LAPTM4B: variants seen among roughly 807,000 people sequenced by gnomAD.
The protein encoded by LAPTM4B is lysosomal protein transmembrane 4 beta, also known as lysosomal-associated transmembrane protein 4B.
LAPTM4B carries 26 observed loss-of-function variants against 28.5 expected under a neutral mutation model. That is an observed-to-expected ratio of 0.91 (90% CI 0.67 to 1.27). LAPTM4B has a LOEUF of 1.27. LAPTM4B is among the 50% of genes most tolerant of loss of function. The pLI, the probability that LAPTM4B is intolerant of heterozygous loss-of-function variation, is 0.00. For missense variants in LAPTM4B, 288 were observed against 285.8 expected, an observed-to-expected ratio of 1.01 and a Z score of -0.06; for synonymous variants, 109 against 106.4, an observed-to-expected ratio of 1.02 and a Z score of -0.15.
chr8:97,783,000 C>T (rs1345771632), intron 1 of LAPTM4B, among the ~76,000 whole-genome samples: 7 of 149,168 alleles, frequency 4.7e-5, no homozygotes, highest in Non-Finnish European at 8.9e-5. Flanking sequence ...CTCAAACTCC[C>T]GACCTCAGGT....
At chr8:97,782,904 T>TA (rs1441198162) in intron 1 of LAPTM4B, among the ~76,000 whole-genome samples, 1 of 140,862 alleles carries the variant, frequency 7.1e-6, no homozygotes, top group African/African-American at 2.7e-5. Context: ...GCTAATTTTG[T>TA]ATTTTATTTA....
chr8:97,811,736 G>A (rs1356061865), intron 2 of LAPTM4B, among the ~76,000 whole-genome samples: 1 of 152,148 alleles, frequency 6.6e-6, no homozygotes, highest in African/African-American at 2.4e-5. Context: ...TGACAGCCTT[G>A]AGGAAATAGA....
intron 6 of LAPTM4B, among the ~76,000 whole-genome samples, chr8:97,828,746 A>T (rs374988584): frequency 6.6e-6 from 1 of 152,186 alleles, no homozygotes; most frequent in Non-Finnish European, 1.5e-5. Context: ...AGTGAGTTAT[A>T]TCGGTAAGGC....
Position 97,775,897 on chromosome 8 carries a change from G to T in LAPTM4B, c.-113G>T, listed in dbSNP as rs1485601409. On this transcript the variant is annotated 5_prime_UTR_variant, in exon 1 of 7. Transcript: ENST00000521545. ...GGCCCGCGGGCGCACGGGCGAGCGG[G>T]CCGGGAGCCGGAGCGGCGGAGGAGC... is the stretch of plus-strand genomic sequence containing the variant. The T allele has an allele frequency of 6.9e-7, 1 of 1,459,630 alleles. No individual in the cohort carries two copies. Among genetic ancestry groups the T allele is most frequent in the Non-Finnish European group, 9.0e-7 (1 of 1,114,438 alleles). 90.4% of individuals were successfully genotyped at this position (1,459,630 alleles called of 1,614,324 possible).
In LAPTM4B at chr8:97,825,050, AT is replaced by A; in HGVS notation, c.508-4del. On this transcript the variant is annotated splice_region_variant and splice_polypyrimidine_tract_variant and intron_variant, in intron 5 of 6. Transcript: ENST00000521545. The stretch of plus-strand genomic sequence containing the variant: ...ATTAAAAATCTGATAATCACTCCTC[AT>A]TTTCAGGGTTACTTGATTAGCTGTG... The A allele has an allele frequency of 1.3e-6, 2 of 1,483,776 alleles. No individual in the cohort carries two copies. The highest frequency in any genetic ancestry group is 1.9e-6 in the Non-Finnish European group (2 of 1,063,584). The allele number at this position is 1,483,776 out of a possible 1,614,324, so 91.9% of individuals were successfully genotyped here.
chr8:97,817,624 A>G (rs1816941485), intron 4 of LAPTM4B, among the ~76,000 whole-genome samples: 1 of 151,116 alleles, frequency 6.6e-6, no homozygotes. Flanking sequence ...AATTTTTTGT[A>G]TTTTTAGTAG....
chr8:97,838,813 G>T (rs1364132778), intron 6 of LAPTM4B, among the ~76,000 whole-genome samples: 1 of 152,138 alleles, frequency 6.6e-6, no homozygotes, highest in Non-Finnish European at 1.5e-5. Flanking sequence ...TTGTTCGTTT[G>T]CTAGTTTTTA....
intron 6 of LAPTM4B, among the ~76,000 whole-genome samples, chr8:97,834,144 G>GGAAAAAAAAAAAAAAAAAAAAAA (rs1554593011): frequency 2.7e-5 from 2 of 75,344 alleles, no homozygotes; most frequent in Non-Finnish European, 3.0e-5. Flanking sequence ...TGTCTCTACA[G>GGAAAAAAAAAAAAAAAAAAAAAA]AAAAAAAAAA....
At chr8:97,849,770 G>A (rs1817491891) in intron 6 of LAPTM4B, among the ~76,000 whole-genome samples, 1 of 152,160 alleles carries the variant, frequency 6.6e-6, no homozygotes, top group East Asian at 1.9e-4. Flanking sequence ...CCAGTAGGGG[G>A]CACTGGAGGA....
At chr8:97,803,224 C>T (rs966293830) in intron 1 of LAPTM4B, among the ~76,000 whole-genome samples, 5 of 151,532 alleles carry the variant, frequency 3.3e-5, no homozygotes, top group Admixed American at 6.6e-5. Flanking sequence ...AAAGTTACTT[C>T]GAATCCTACA....
intron 6 of LAPTM4B, among the ~76,000 whole-genome samples, chr8:97,832,223 A>C (rs770256301): frequency 2.6e-5 from 4 of 152,218 alleles, no homozygotes; most frequent in Non-Finnish European, 5.9e-5. Context: ...ATTTAGGCTT[A>C]GTTATAAAAT....
chr8:97,817,574 G>A (rs1250832312), intron 4 of LAPTM4B, among the ~76,000 whole-genome samples: 3 of 148,026 alleles, frequency 2.0e-5, no homozygotes, highest in Non-Finnish European at 4.5e-5. Flanking sequence ...TCAGTCTCCT[G>A]AGTAGCTGGG....
intron 6 of LAPTM4B, among the ~76,000 whole-genome samples, chr8:97,832,602 T>C (rs868231446): frequency 3.9e-5 from 6 of 152,164 alleles, no homozygotes; most frequent in Non-Finnish European, 7.3e-5. Flanking sequence ...TGTATTGATA[T>C]AATCCACTCC....
rs1388808723 is a variant in LAPTM4B, at chr8:97,851,523, C to A, written c.*49C>A. 4 of 1,349,070 alleles carry A rather than the reference C, an allele frequency of 3.0e-6. No homozygotes were observed. Among genetic ancestry groups the A allele is most frequent in the East Asian group, 2.3e-5 (1 of 43,620 alleles). The allele number at this position is 1,349,070 out of a possible 1,614,324, so 83.6% of individuals were successfully genotyped here. A position where few individuals can be genotyped will look rare whatever the true frequency, so the allele number is the denominator to read the frequency against. On this transcript the variant is annotated 3_prime_UTR_variant, in exon 7 of 7. Coordinates refer to ENST00000521545, the MANE Select transcript of LAPTM4B (RefSeq NM_018407.6). Reference sequence around the variant, plus strand: ...GGCAGCAGCTTGACTTTGCAGACATCTGAGCAATAGTTCTGTTATTTCACT... The same window carrying A: ...GGCAGCAGCTTGACTTTGCAGACATATGAGCAATAGTTCTGTTATTTCACT...
intron 6 of LAPTM4B, among the ~76,000 whole-genome samples, chr8:97,850,203 A>G (rs72673501): frequency 0.28 from 42,878 of 151,764 alleles, 7,345 homozygotes; most frequent in African/African-American, 0.45. Context: ...TCATGAAACT[A>G]TATTCACATC....
intron 1 of LAPTM4B, among the ~76,000 whole-genome samples, chr8:97,787,937 G>C (rs1311741358): frequency 6.6e-6 from 1 of 152,030 alleles, no homozygotes; most frequent in Non-Finnish European, 1.5e-5. Context: ...AGGTTCAAGT[G>C]ATTCTCCTGC....
intron 6 of LAPTM4B, among the ~76,000 whole-genome samples, chr8:97,834,551 G>C (rs887949601): frequency 4.0e-5 from 6 of 149,666 alleles, no homozygotes; most frequent in African/African-American, 1.5e-4. Flanking sequence ...CCCTGGTTGT[G>C]TGTGTGTGTG....
intron 1 of LAPTM4B, among the ~76,000 whole-genome samples, chr8:97,801,060 C>T (rs1330690835): frequency 7.9e-5 from 12 of 152,102 alleles, no homozygotes; most frequent in Non-Finnish European, 4.4e-5. Flanking sequence ...ACCTCTGCTC[C>T]CTCCTCTAAA....
At chr8:97,844,498 A>C (rs1175340286) in intron 6 of LAPTM4B, among the ~76,000 whole-genome samples, 1 of 152,188 alleles carries the variant, frequency 6.6e-6, no homozygotes, top group Admixed American at 6.5e-5. Context: ...CACCATCCTG[A>C]AACAGCTTGC....
Sources: allele counts gnomAD v4.1 joint callset (sites outside exome capture counted in the v4.1 genomes callset), GRCh38; gene constraint gnomAD v4.1.1; transcripts MANE v1.5; gene names NCBI Gene and HGNC (gene_info 2026-07-23, HGNC 2026-07-21).